The following FMN1 variants were observed in gnomAD, a reference collection of about 807,000 sequenced individuals.
The protein encoded by FMN1 is formin-1.
FMN1 carries 110 observed loss-of-function variants against 132.4 expected under a neutral mutation model. The ratio of observed to expected loss-of-function variants is 0.83; its 90% CI spans 0.71 to 0.97. The LOEUF is 0.97. Among genes scored for constraint, FMN1 ranks in the 50% least tolerant of loss-of-function variants. The probability of loss-of-function intolerance (pLI) is 0.00; values close to 1 mark genes in which losing one functional copy is unlikely to be tolerated. For missense variants in FMN1, 1,792 were observed against 1,705.3 expected (o/e 1.05, Z -0.90); for synonymous variants, 722 against 651.7 (o/e 1.11, Z -1.64).
At chr15:33,123,530 G>A (rs1192318217) in intron 4 of FMN1, among the ~76,000 whole-genome samples, 1 of 152,088 alleles carries the variant, frequency 6.6e-6, no homozygotes, top group African/African-American at 2.4e-5. Context: ...TAAATACAAG[G>A]CCTAGAATCT....
chr15:33,104,304 TG>T (rs1268976545), intron 4 of FMN1, among the ~76,000 whole-genome samples: 1 of 152,196 alleles, frequency 6.6e-6, no homozygotes, highest in Non-Finnish European at 1.5e-5. Flanking sequence ...GTTTTTACTT[TG>T]GGCTTAAATT....
Position 32,933,818 on chromosome 15 carries a change from T to C in FMN1, c.3139-7557A>G, listed in dbSNP as rs112271066. Among the ~76,000 whole-genome samples the C allele has an allele frequency of 2.0e-3, 308 of 152,290 alleles. 2 individuals carry two copies. Among genetic ancestry groups the C allele is most frequent in the Middle Eastern group, 3.4e-3 (1 of 294 alleles). ...CTAAGGATGTCAGTTGTTGGTTTTT[T>C]TAAATTAACTCTTGGAATATCTTTT... On this transcript the variant is annotated intron_variant, in intron 9 of 20. Transcript: ENST00000616417.
chr15:32,922,843 C>T (rs1275043478), intron 10 of FMN1, among the ~76,000 whole-genome samples: 1 of 152,180 alleles, frequency 6.6e-6, no homozygotes, highest in African/African-American at 2.4e-5. Context: ...CTGTTTATGC[C>T]TGTTTCTTTG....
rs2032435040 is a variant in FMN1, at chr15:32,979,085, G to A, written c.2224-9608C>T. Among the ~76,000 whole-genome samples, 3 of 152,190 alleles carry A rather than the reference G, an allele frequency of 2.0e-5. No individual in the cohort carries two copies. The South Asian group carries it at 6.2e-4, about 32-fold the overall frequency. Reference sequence around the variant, plus strand: ...ATACAGCTCTCTGGGAGCAAGAAGGGGCTCAGAGGAGTGGTTGGTGATACA... The same window carrying A: ...ATACAGCTCTCTGGGAGCAAGAAGGAGCTCAGAGGAGTGGTTGGTGATACA... On this transcript the variant is annotated intron_variant, in intron 7 of 20. Coordinates refer to ENST00000616417, the MANE Select transcript of FMN1 (RefSeq NM_001277313.2).
At chr15:32,905,537 G>C (rs1044662464) in intron 12 of FMN1, among the ~76,000 whole-genome samples, 30 of 152,078 alleles carry the variant, frequency 2.0e-4, no homozygotes, top group Non-Finnish European at 3.2e-4. Context: ...AAGAGTCAAC[G>C]GCCATCCCTA....
intron 6 of FMN1, among the ~76,000 whole-genome samples, chr15:33,055,358 C>T (rs1598269): frequency 0.14 from 20,926 of 152,206 alleles, 1,611 homozygotes; most frequent in Middle Eastern, 0.22. Flanking sequence ...GAAAACCTTA[C>T]ATCTATCGAT....
intron 7 of FMN1, among the ~76,000 whole-genome samples, chr15:32,980,201 T>C (rs1044442208): frequency 1.9e-5 from 2 of 103,152 alleles, no homozygotes; most frequent in African/African-American, 1.5e-4. Flanking sequence ...ATACAAGACA[T>C]AAGATGCCAG....
intron 5 of FMN1, among the ~76,000 whole-genome samples, chr15:33,080,721 T>C (rs2038419977): frequency 6.6e-6 from 1 of 152,034 alleles, no homozygotes. Context: ...ACCCCGTCTC[T>C]ACTAGTAATA....
chr15:33,176,876 T>C (rs1965533110), intron 3 of FMN1, among the ~76,000 whole-genome samples: 1 of 152,210 alleles, frequency 6.6e-6, no homozygotes, highest in Admixed American at 6.5e-5. Context: ...GATGGCAAAG[T>C]CCTAATGCTT....
At chr15:32,785,766 C>A (rs1349647371) in intron 19 of FMN1, among the ~76,000 whole-genome samples, 2 of 152,036 alleles carry the variant, frequency 1.3e-5, no homozygotes, top group African/African-American at 4.8e-5. Flanking sequence ...TACAGTGTGA[C>A]TAAAATTAAT....
intron 3 of FMN1, among the ~76,000 whole-genome samples, chr15:33,157,963 G>A (rs530989820): frequency 6.8e-6 from 1 of 147,618 alleles, no homozygotes; most frequent in East Asian, 2.0e-4. Context: ...CTGTACTCCA[G>A]CCTAAGTGAC....
intron 6 of FMN1, among the ~76,000 whole-genome samples, chr15:33,029,699 TCA>T (rs1436072162): frequency 4.0e-5 from 6 of 151,270 alleles, no homozygotes; most frequent in Admixed American, 3.9e-4. Context: ...TTAAAGAATC[TCA>T]GTGTCTCAGA....
At chr15:33,101,395 T>C (rs116242403) in intron 4 of FMN1, among the ~76,000 whole-genome samples, 2,740 of 152,194 alleles carry the variant, frequency 0.018, 87 homozygotes, top group African/African-American at 0.062. Flanking sequence ...CTGGGCCACA[T>C]TGGAAGAAAA....
chr15:32,873,081 T>C (rs543789442), intron 16 of FMN1, among the ~76,000 whole-genome samples: 1 of 152,344 alleles, frequency 6.6e-6, no homozygotes, highest in South Asian at 2.1e-4. Context: ...TGTCTTCAGA[T>C]TTAATGCAAT....
intron 4 of FMN1, among the ~76,000 whole-genome samples, chr15:33,131,004 T>C (rs903609022): frequency 5.3e-5 from 8 of 152,172 alleles, no homozygotes; most frequent in African/African-American, 1.9e-4. Context: ...TCAGATAGAA[T>C]AATGTCTATG....
chr15:33,098,289 C>T (rs566763499), intron 4 of FMN1, among the ~76,000 whole-genome samples: 2 of 152,302 alleles, frequency 1.3e-5, no homozygotes, highest in South Asian at 2.1e-4. Flanking sequence ...ATTTCTCCTC[C>T]GGACTGGGGG....
chr15:33,018,403 G>A (rs345832), intron 6 of FMN1, among the ~76,000 whole-genome samples: 89,280 of 151,864 alleles, frequency 0.59, 26,690 homozygotes, highest in Admixed American at 0.65. Context: ...CCCAACCTAT[G>A]GGGAGGGCAG....
chr15:33,090,539 G>A (rs1285223089), intron 4 of FMN1, among the ~76,000 whole-genome samples: 1 of 151,980 alleles, frequency 6.6e-6, no homozygotes, highest in Non-Finnish European at 1.5e-5. Flanking sequence ...TGAGAAAAAT[G>A]AGAGTCCAGG....
rs527787960 is a variant in FMN1 at position 33,008,860 on chromosome 15, C to T, written c.2162-785G>A. Among the ~76,000 whole-genome samples, 3 of 152,232 alleles carry T rather than the reference C, an allele frequency of 2.0e-5. No homozygotes were observed. In the South Asian group the frequency reaches 6.2e-4, roughly 32 times the overall value. On this transcript the variant is annotated intron_variant, in intron 6 of 20. Coordinates refer to ENST00000616417, the MANE Select transcript of FMN1 (RefSeq NM_001277313.2). The stretch of plus-strand genomic sequence containing the variant: ...CCACAAGACAAAAATGCTATGAGCA[C>T]ACATTTTTGTGAGATAAGCCAATTA...
Sources: gnomAD v4.1 joint callset for allele counts (sites outside exome capture counted in the v4.1 genomes callset) on GRCh38, gnomAD v4.1.1 for gene constraint, MANE v1.5 for transcripts, NCBI Gene and HGNC (gene_info 2026-07-23, HGNC 2026-07-21) for gene names.